Variants in PHKA1 observed in about 807,000 individuals in gnomAD.
PHKA1 encodes the protein phosphorylase kinase regulatory subunit alpha 1.
PHKA1 carries 60 observed loss-of-function variants against 110.2 expected under a neutral mutation model. The observed-to-expected ratio is 0.54, with a 90% confidence interval of 0.44 to 0.68. The LOEUF (loss-of-function observed/expected upper bound fraction) is 0.68, where lower values mean the gene tolerates loss of function less well. Ranked by LOEUF, PHKA1 falls within the 30% of genes least tolerant of loss-of-function variation. PHKA1 has a pLI of 0.00. For missense variants in PHKA1, 801 were observed against 942.5 expected, an observed-to-expected ratio of 0.85 and a Z score of 1.97; for synonymous variants, 316 against 333.6, an observed-to-expected ratio of 0.95 and a Z score of 0.58.
intron 29 of PHKA1, among the ~76,000 whole-genome samples, chrX:72,584,743 T>TA (rs11388961): frequency 0.069 from 7,672 of 110,744 alleles, 835 homozygotes; most frequent in East Asian, 0.66. Flanking sequence ...CTTTTTTTTT[T>TA]AACACTTGTT....
chrX:72,585,406 T>A (rs1378080214), intron 29 of PHKA1, among the ~76,000 whole-genome samples: 1 of 112,266 alleles, frequency 8.9e-6, no homozygotes, highest in Non-Finnish European at 1.9e-5. Context: ...TGCCATGTTA[T>A]GATTGATTAA....
chrX:72,700,323 C>G (rs1268727654), intron 3 of PHKA1, among the ~76,000 whole-genome samples: 1 of 111,898 alleles, frequency 8.9e-6, no homozygotes, highest in Non-Finnish European at 1.9e-5. Flanking sequence ...ACAAATTTTC[C>G]AAAATCAAAT....
At chrX:72,582,243 T>G in intron 31 of PHKA1, among the ~76,000 whole-genome samples, 155 bp downstream of exon 31, 1 of 111,219 alleles carries the variant, frequency 9.0e-6, no homozygotes, top group South Asian at 3.9e-4. Flanking sequence ...CTACTTCTTT[T>G]GCAAACAGAG....
At chrX:72,670,628 A>G (rs782372072) in intron 6 of PHKA1, among the ~76,000 whole-genome samples, 1 of 111,728 alleles carries the variant, frequency 9.0e-6, no homozygotes, top group South Asian at 3.8e-4. Flanking sequence ...CAGAGACACA[A>G]CCAAAAAAGA....
intron 3 of PHKA1, among the ~76,000 whole-genome samples, chrX:72,701,719 A>G (rs1312294271): frequency 2.7e-5 from 3 of 111,889 alleles, no homozygotes; most frequent in Admixed American, 9.4e-5. Context: ...ACTCCATCTC[A>G]AGAAAAAAAT....
chrX:72,636,108 C>A (rs1276386285), intron 15 of PHKA1, among the ~76,000 whole-genome samples, 169 bp downstream of exon 15: 4 of 111,785 alleles, frequency 3.6e-5, no homozygotes, highest in Non-Finnish European at 5.6e-5. Context: ...AAACTCTGTG[C>A]TGGAAGTTCA....
At chrX:72,647,279 G>A (rs782151053) in intron 13 of PHKA1, among the ~76,000 whole-genome samples, 1 of 112,036 alleles carries the variant, frequency 8.9e-6, no homozygotes, top group South Asian at 3.8e-4. Context: ...GTTGAATGTA[G>A]GAGATGAGAG....
Position 72,695,927 on chromosome X carries a change from T to C in PHKA1, c.286-51A>G, listed in dbSNP as rs782789546. On this transcript the variant is annotated intron_variant, in intron 3 of 31. Coordinates refer to ENST00000373542, the MANE Select transcript of PHKA1 (RefSeq NM_002637.4). The stretch of plus-strand genomic sequence containing the variant: ...AAGGATATACTGAAAAATCAACCCA[T>C]ATGCCACACTTCTGTAATACTCTAA... 2.8e-5 allele frequency: 27 copies of C among 974,186 alleles called. 1 individual carries two copies. The Middle Eastern group carries it at 2.7e-3, about 98-fold the overall frequency. The allele number at this position is 974,186 out of a possible 1,213,427, so 80.3% of individuals were successfully genotyped here. A position where few individuals can be genotyped will look rare whatever the true frequency, so the allele number is the denominator to read the frequency against.
At chrX:72,600,772 C>T (rs1433375540) in intron 28 of PHKA1, among the ~76,000 whole-genome samples, 8 of 111,095 alleles carry the variant, frequency 7.2e-5, no homozygotes, top group African/African-American at 2.0e-4. Context: ...AGGAGGATTG[C>T]GTGAATCCAG....
At chrX:72,686,593 A>C (rs1302677772) in intron 4 of PHKA1, among the ~76,000 whole-genome samples, 1 of 111,956 alleles carries the variant, frequency 8.9e-6, no homozygotes, top group African/African-American at 3.2e-5. Context: ...ATTTGTGGAA[A>C]TATATCTTTA....
intron 28 of PHKA1, among the ~76,000 whole-genome samples, chrX:72,597,052 T>C (rs2052599381): frequency 8.9e-6 from 1 of 111,888 alleles, no homozygotes. Flanking sequence ...AACAGTGACA[T>C]CCACATGCAA....
At chrX:72,709,766 T>C (rs1264915578) in intron 2 of PHKA1, among the ~76,000 whole-genome samples, 2 of 110,266 alleles carry the variant, frequency 1.8e-5, no homozygotes, top group East Asian at 5.7e-4. Context: ...CCTGGCCGGG[T>C]ATGGTGGCTC....
chrX:72,598,017 TTG>T (rs1328720443), intron 28 of PHKA1, among the ~76,000 whole-genome samples: 2 of 111,743 alleles, frequency 1.8e-5, no homozygotes, highest in Non-Finnish European at 3.8e-5. Context: ...AAATTGGACT[TTG>T]TGGAAATCAA....
chrX:72,626,901 G>A (rs1185592603), intron 17 of PHKA1, 70 bp downstream of exon 17: 2 of 800,448 alleles, frequency 2.5e-6, no homozygotes, highest in Non-Finnish European at 1.9e-6. Context: ...GGCATCACAG[G>A]TATGCCACTA....
rs1050986887 is a variant in PHKA1 at position 72,621,692 on chromosome X, C to T, written c.1961-791G>A. On this transcript the variant is annotated intron_variant, in intron 18 of 31. Transcript: ENST00000373542. ...TTTCTGTGCTCTGATGTGACTAATG[C>T]GAACTAGTAGAGCTGTAAGAATGGA... 18 of 595,660 alleles carry T rather than the reference C, an allele frequency of 3.0e-5. No individual in the cohort carries two copies. The South Asian group carries it at 1.1e-3, about 35-fold the overall frequency. The allele number at this position is 595,660 out of a possible 1,213,427, so 49.1% of individuals were successfully genotyped here. A position where few individuals can be genotyped will look rare whatever the true frequency, so the allele number is the denominator to read the frequency against.
At chrX:72,704,898 G>A (rs1486297708) in intron 3 of PHKA1, among the ~76,000 whole-genome samples, 1 of 111,862 alleles carries the variant, frequency 8.9e-6, no homozygotes, top group East Asian at 2.8e-4. Context: ...GGTCAAATGA[G>A]GGTTTTTAAA....
chrX:72,637,165 T>C (rs2053239862), intron 14 of PHKA1, among the ~76,000 whole-genome samples: 1 of 112,339 alleles, frequency 8.9e-6, no homozygotes, highest in Admixed American at 9.4e-5. Flanking sequence ...CCAAAACTCT[T>C]TCATCTTCCC....
rs552042911 is a variant in PHKA1 at position 72,697,749 on chromosome X, C to A, written c.286-1873G>T. Among the ~76,000 whole-genome samples the A allele has an allele frequency of 2.7e-4, 30 of 109,917 alleles. 1 individual carries two copies. The South Asian group carries it at 0.012, about 44-fold the overall frequency. The stretch of plus-strand genomic sequence containing the variant: ...CCTGTAATACCAGCACTTTGGGAGA[C>A]GGAGGCGGGTGGATCACGAGGTCAG... On this transcript the variant is annotated intron_variant, in intron 3 of 31. Transcript: ENST00000373542.
intron 2 of PHKA1, among the ~76,000 whole-genome samples, chrX:72,710,774 T>C (rs968756129): frequency 7.2e-5 from 8 of 111,274 alleles, no homozygotes; most frequent in African/African-American, 2.3e-4. Flanking sequence ...GAATGGGCAA[T>C]TCAATGTTTC....
Sources: gnomAD v4.1 joint callset for allele counts (sites outside exome capture counted in the v4.1 genomes callset) on GRCh38, gnomAD v4.1.1 for gene constraint, MANE v1.5 for transcripts, NCBI Gene and HGNC (gene_info 2026-07-23, HGNC 2026-07-21) for gene names.